IRAK1BP1: variants seen among roughly 807,000 people sequenced by gnomAD.
The protein encoded by IRAK1BP1 is interleukin-1 receptor-associated kinase 1-binding protein 1.
In IRAK1BP1, 24 loss-of-function variants were observed where a neutral mutation model predicts 28.0. That is an observed-to-expected ratio of 0.86 (90% CI 0.62 to 1.20). The LOEUF is 1.20. IRAK1BP1 is among the 50% of genes most tolerant of loss of function. The probability of loss-of-function intolerance (pLI) is 0.00; values close to 1 mark genes in which losing one functional copy is unlikely to be tolerated. For synonymous variants in IRAK1BP1, 131 were observed against 116.3 expected (o/e 1.13, Z -0.81); for missense variants, 336 against 316.7 (o/e 1.06, Z -0.46).
intron 1 of IRAK1BP1, among the ~76,000 whole-genome samples, chr6:78,874,560 T>A (rs1221502754): frequency 1.3e-5 from 2 of 152,118 alleles, no homozygotes; most frequent in Non-Finnish European, 2.9e-5. Context: ...TAGGGCAAGT[T>A]CTCCCCTCAT....
intron 4 of IRAK1BP1, among the ~76,000 whole-genome samples, chr6:78,928,735 G>C (rs548144959): frequency 6.6e-6 from 1 of 152,216 alleles, no homozygotes; most frequent in South Asian, 2.1e-4. Context: ...AAGGGATGTT[G>C]AATTTCATCA....
At chr6:78,954,733 A>T in the IRAK1BP1 span, 1 of 831,404 alleles carries the variant, frequency 1.2e-6, no homozygotes, top group Non-Finnish European at 1.8e-6. Flanking sequence ...TAATCATAAA[A>T]AGTAACTAAA....
chr6:78,950,998 C>T (rs1680460347), downstream of IRAK1BP1, among the ~76,000 whole-genome samples: 1 of 152,028 alleles, frequency 6.6e-6, no homozygotes, highest in Non-Finnish European at 1.5e-5. Context: ...AGAAATTTCC[C>T]TGCATTGCTT....
intron 1 of IRAK1BP1, among the ~76,000 whole-genome samples, chr6:78,883,423 G>A (rs1771301950): frequency 6.6e-6 from 1 of 151,928 alleles, no homozygotes; most frequent in South Asian, 2.1e-4. Context: ...ATTTTCTCTA[G>A]TATTAGATTT....
At chr6:78,977,388 C>T in the IRAK1BP1 span, among the ~76,000 whole-genome samples, 217 of 142,576 alleles carry the variant, frequency 1.5e-3, no homozygotes, top group African/African-American at 4.6e-3. Context: ...GGGTGGGGGA[C>T]GGGGGAGGGA....
At chr6:78,945,968 CAT>C (rs1467975506) in exon 5 of IRAK1BP1, 5 of 1,495,430 alleles carry the variant, frequency 3.3e-6, no homozygotes, top group Non-Finnish European at 3.7e-6. Flanking sequence ...AGAAAATCAT[CAT>C]ATACATTTCA....
At chr6:78,963,110 C>T in the IRAK1BP1 span, 2 of 1,597,982 alleles carry the variant, frequency 1.3e-6, no homozygotes, top group Non-Finnish European at 1.7e-6. Flanking sequence ...GTGTCATCAA[C>T]TGGTTTATTC....
chr6:78,919,275 C>G (rs1772654654), intron 4 of IRAK1BP1, among the ~76,000 whole-genome samples: 1 of 152,016 alleles, frequency 6.6e-6, no homozygotes, highest in African/African-American at 2.4e-5. Flanking sequence ...CTGACTCACA[C>G]CAAGAGGAAC....
chr6:78,897,256 TAA>T (rs749859007), intron 2 of IRAK1BP1, among the ~76,000 whole-genome samples: 15 of 110,974 alleles, frequency 1.4e-4, no homozygotes, highest in South Asian at 3.0e-4. Flanking sequence ...TTGTCTCTCT[TAA>T]AAAAAAAAAA....
the IRAK1BP1 span, among the ~76,000 whole-genome samples, chr6:78,974,715 C>T: frequency 1.2e-4 from 19 of 152,072 alleles, no homozygotes; most frequent in African/African-American, 4.3e-4. Flanking sequence ...CACAGAAATA[C>T]AAACTACCAT....
the IRAK1BP1 span, among the ~76,000 whole-genome samples, chr6:78,965,459 A>G: frequency 2.6e-5 from 4 of 152,206 alleles, no homozygotes; most frequent in African/African-American, 9.7e-5. Context: ...GTAATTAATA[A>G]AACAATTTCA....
chr6:78,942,168 G>C (rs1379716008), intron 4 of IRAK1BP1, among the ~76,000 whole-genome samples: 2 of 152,128 alleles, frequency 1.3e-5, no homozygotes, highest in Non-Finnish European at 2.9e-5. Flanking sequence ...TCACAGGTTG[G>C]AACTGTACTT....
chr6:78,975,000 G>A, the IRAK1BP1 span, among the ~76,000 whole-genome samples: 1 of 151,252 alleles, frequency 6.6e-6, no homozygotes, highest in Non-Finnish European at 1.5e-5. Context: ...AGAAAAAGAG[G>A]GAATCCCCCC....
chr6:78,951,534 C>T, the IRAK1BP1 span, among the ~76,000 whole-genome samples: 10 of 152,020 alleles, frequency 6.6e-5, no homozygotes, highest in South Asian at 2.1e-4. Flanking sequence ...GTAGATTATC[C>T]GAAGTTTTCT....
intron 4 of IRAK1BP1, among the ~76,000 whole-genome samples, chr6:78,929,815 T>C (rs991353174): frequency 6.6e-6 from 1 of 152,240 alleles, no homozygotes; most frequent in East Asian, 1.9e-4. Context: ...CTGGAGTACC[T>C]AAACTTCTTA....
At chr6:78,916,185 T>C (rs1287471278) in intron 4 of IRAK1BP1, among the ~76,000 whole-genome samples, 1 of 152,218 alleles carries the variant, frequency 6.6e-6, no homozygotes, top group East Asian at 1.9e-4. Flanking sequence ...AGTTATTTTC[T>C]TGGGCTTAGA....
intron 4 of IRAK1BP1, among the ~76,000 whole-genome samples, chr6:78,928,159 A>C (rs1161844072): frequency 6.6e-6 from 1 of 152,038 alleles, no homozygotes; most frequent in Non-Finnish European, 1.5e-5. Flanking sequence ...ATGAACATGG[A>C]ATCTTTCCAT....
chr6:78,936,038 G>A (rs948050002), intron 4 of IRAK1BP1: 4 of 151,918 alleles, frequency 2.6e-5, no homozygotes, highest in African/African-American at 9.7e-5. Flanking sequence ...GGTCCAATCA[G>A]TATGTACAAA....
chr6:78,930,974 T>G (rs9350795), intron 4 of IRAK1BP1, among the ~76,000 whole-genome samples: 1 of 80,672 alleles, frequency 1.2e-5, no homozygotes, highest in African/African-American at 3.8e-5. Context: ...TAAAAAAAAA[T>G]TAACCAGAAA....
Sources: allele counts gnomAD v4.1 joint callset (sites outside exome capture counted in the v4.1 genomes callset), GRCh38; gene constraint gnomAD v4.1.1; transcripts MANE v1.5; gene names NCBI Gene and HGNC (gene_info 2026-07-23, HGNC 2026-07-21).